Variants in BDP1 observed in about 807,000 individuals in gnomAD.
BDP1 encodes transcription factor TFIIIB component B'' homolog.
In BDP1, 169 loss-of-function variants were observed where a neutral mutation model predicts 266.6. The ratio of observed to expected loss-of-function variants is 0.63; its 90% CI spans 0.56 to 0.72. The LOEUF is 0.72. BDP1 is among the 30% of genes least tolerant of loss of function. BDP1 has a pLI of 0.00. For synonymous variants in BDP1, 1,090 were observed against 1,022.4 expected (o/e 1.07, Z -1.26); for missense variants, 3,015 against 3,053.8 (o/e 0.99, Z 0.30).
At chr5:71,492,114 A>G (rs1392134560) in intron 11 of BDP1, among the ~76,000 whole-genome samples, 1 of 152,192 alleles carries the variant, frequency 6.6e-6, no homozygotes, top group Non-Finnish European at 1.5e-5. Flanking sequence ...TTCCTTTTTT[A>G]TGAGCAAATA....
chr5:71,559,396 A>G (rs543557068), intron 36 of BDP1, among the ~76,000 whole-genome samples: 6 of 152,300 alleles, frequency 3.9e-5, no homozygotes, highest in African/African-American at 1.4e-4. Context: ...TTACTTATCA[A>G]CTTCATTCTC....
At chr5:71,504,183 G>A (rs1764430848) in intron 15 of BDP1, among the ~76,000 whole-genome samples, 1 of 149,918 alleles carries the variant, frequency 6.7e-6, no homozygotes. Context: ...TGAGGCAGGA[G>A]AATGGCATGA....
At chr5:71,516,373 C>A in intron 21 of BDP1, 102 bp downstream of exon 21, 2 of 836,084 alleles carry the variant, frequency 2.4e-6, no homozygotes, top group South Asian at 1.9e-5. Context: ...GACACTTATT[C>A]TACTCAATGA....
chr5:71,510,746 G>C lies in BDP1; in HGVS notation c.3654G>C (p.Lys1218Asn). 1 of 1,614,184 alleles carries C rather than the reference G, an allele frequency of 6.2e-7. No individual in the cohort carries two copies. The highest frequency in any genetic ancestry group is 1.1e-5 in the South Asian group (1 of 91,074). The change falls in exon 17 of 39, where the codon AAG becomes AAC. Residue 1218 changes from lysine (K) to asparagine (N), a missense_variant. Coordinates refer to ENST00000358731, the MANE Select transcript of BDP1 (RefSeq NM_018429.3). ...SPQENGPEEV[K>N]PVGKMETDLK... ...AGGAAAATGGCCCAGAGGAGGTCAA[G>C]CCTGTAGGTAAAATGGAGACAGATT...
intron 13 of BDP1, among the ~76,000 whole-genome samples, chr5:71,499,438 G>A (rs951736282): frequency 1.3e-5 from 2 of 152,130 alleles, no homozygotes; most frequent in African/African-American, 4.8e-5. Flanking sequence ...CCAACATGGC[G>A]AAATCCCATC....
In BDP1 at chr5:71,524,042, A is replaced by AGAAG; in HGVS notation, c.5492_5495dup (p.Ser1832ArgfsTer4). The AGAAG allele has an allele frequency of 1.2e-6, 2 of 1,614,198 alleles. No homozygotes were observed. The highest frequency in any genetic ancestry group is 1.7e-6 in the Non-Finnish European group (2 of 1,180,046). ...GTATGAGAGAAATCGTGGTGAAAGGAGAAGTCATAAAAAGTTCAAACCAAA... is the reference window on the plus strand; with the variant it reads ...GTATGAGAGAAATCGTGGTGAAAGGAGAAGGAAGTCATAAAAAGTTCAAACCAAA... On this transcript the variant is annotated frameshift_variant, in exon 25 of 39. Transcript: ENST00000358731. LOFTEE classifies it high-confidence loss of function.
At chr5:71,519,633 C>T (rs1353766780) in intron 22 of BDP1, among the ~76,000 whole-genome samples, 1 of 152,198 alleles carries the variant, frequency 6.6e-6, no homozygotes, top group African/African-American at 2.4e-5. Context: ...CTGTGAATGA[C>T]AGGATTTCAT....
At chr5:71,484,824 A>G (rs77860382) in intron 8 of BDP1, among the ~76,000 whole-genome samples, 2,236 of 152,202 alleles carry the variant, frequency 0.015, 46 homozygotes, top group African/African-American at 0.051. Flanking sequence ...AAGATTAGCC[A>G]TAGTGCTAAT....
At position 71,545,199 on chromosome 5, in the gene BDP1, C is replaced by T. The variant is rs765431557; in HGVS notation, c.6724C>T (p.Leu2242Phe). The T allele has an allele frequency of 1.2e-6, 2 of 1,613,252 alleles. No homozygotes were observed. The highest frequency in any genetic ancestry group is 2.2e-5 in the South Asian group (2 of 90,964). ...QIKDSKGDSV[L>F]TLPVPEYTPT... Reference sequence around the variant, plus strand: ...AAAGGACTCTAAAGGAGACAGTGTGCTTACACTTCCTGTGCCAGAGGTAAA... The same window carrying T: ...AAAGGACTCTAAAGGAGACAGTGTGTTTACACTTCCTGTGCCAGAGGTAAA... The change falls in exon 32 of 39, where the codon CTT (leucine) becomes TTT (phenylalanine). Residue 2242 changes from leucine to phenylalanine, a missense_variant. Around this residue, in one of 3 missense-constraint regions of BDP1, gnomAD observed 629 missense variants for 632.5 expected, o/e 0.99. Coordinates refer to ENST00000358731, the MANE Select transcript of BDP1 (RefSeq NM_018429.3).
chr5:71,487,280 T>C (rs1161332441), intron 9 of BDP1, among the ~76,000 whole-genome samples: 1 of 152,102 alleles, frequency 6.6e-6, no homozygotes, highest in Non-Finnish European at 1.5e-5. Context: ...TTCGCTCTGT[T>C]GCCCAGGCTG....
intron 8 of BDP1, among the ~76,000 whole-genome samples, chr5:71,485,153 T>G (rs1391112092): frequency 6.6e-6 from 1 of 152,184 alleles, no homozygotes; most frequent in Non-Finnish European, 1.5e-5. Context: ...TTTTAAAATT[T>G]ATTGATCTTA....
chr5:71,552,427 G>A (rs1742886053), intron 34 of BDP1, among the ~76,000 whole-genome samples: 1 of 152,276 alleles, frequency 6.6e-6, no homozygotes, highest in Admixed American at 6.5e-5. Context: ...GGGCGGCCAG[G>A]CAGAGGCTGC....
intron 22 of BDP1, among the ~76,000 whole-genome samples, chr5:71,519,434 C>T (rs1765388423): frequency 6.6e-6 from 1 of 152,150 alleles, no homozygotes; most frequent in South Asian, 2.1e-4. Context: ...TATTTTTATA[C>T]ACACTAACCA....
At chr5:71,575,402 G>A in the BDP1 span, among the ~76,000 whole-genome samples, 1 of 152,198 alleles carries the variant, frequency 6.6e-6, no homozygotes, top group Non-Finnish European at 1.5e-5. Flanking sequence ...CTTGGGAGAA[G>A]CTGACGCAAC....
intron 7 of BDP1, among the ~76,000 whole-genome samples, chr5:71,474,260 A>G (rs1762451347): frequency 6.6e-6 from 1 of 151,354 alleles, no homozygotes; most frequent in African/African-American, 2.4e-5. Context: ...GATTACAGGC[A>G]TGAGCCACCG....
At chr5:71,495,750 T>G (rs1440203367) in intron 12 of BDP1, among the ~76,000 whole-genome samples, 1 of 152,212 alleles carries the variant, frequency 6.6e-6, no homozygotes, top group Non-Finnish European at 1.5e-5. Flanking sequence ...TTTTTATGCC[T>G]GGTGTCAAAA....
In BDP1 at chr5:71,545,157, G is replaced by A; in HGVS notation, c.6682G>A (p.Val2228Ile). ...GGATAGGGGTCTTGGTGAAAATTCTGTTGAAGAGCCCCAGATAAAGGACTC... is the reference window on the plus strand; with the variant it reads ...GGATAGGGGTCTTGGTGAAAATTCTATTGAAGAGCCCCAGATAAAGGACTC... Reference protein sequence around the residue: ...GLDRGLGENSVEEPQIKDSKG... With the variant: ...GLDRGLGENSIEEPQIKDSKG... The change falls in exon 32 of 39, where the codon GTT becomes ATT. Residue 2228 changes from valine to isoleucine, a missense_variant. Val to Ile is a conservative substitution (Grantham distance 29, BLOSUM62 3). Around this residue, in one of 3 missense-constraint regions of BDP1, gnomAD observed 629 missense variants for 632.5 expected, o/e 0.99. Transcript: ENST00000358731. 2 of 1,613,624 alleles carry A rather than the reference G, an allele frequency of 1.2e-6. No homozygotes were observed. Among genetic ancestry groups the A allele is most frequent in the Non-Finnish European group, 8.5e-7 (1 of 1,179,926 alleles).
intron 7 of BDP1, among the ~76,000 whole-genome samples, chr5:71,473,400 G>T (rs954742959): frequency 1.3e-5 from 2 of 148,514 alleles, no homozygotes; most frequent in Non-Finnish European, 3.0e-5. Flanking sequence ...TCAGCCTCCC[G>T]AGTAGCTGGG....
At chr5:71,543,844 A>G (rs1167083794) in intron 30 of BDP1, among the ~76,000 whole-genome samples, 1 of 152,186 alleles carries the variant, frequency 6.6e-6, no homozygotes, top group Non-Finnish European at 1.5e-5. Flanking sequence ...CCATGGGGTT[A>G]TTCACAATAT....
Sources: gnomAD v4.1 joint callset for allele counts (sites outside exome capture counted in the v4.1 genomes callset) on GRCh38, gnomAD v4.1.1 for gene constraint, gnomAD v4.1.1 regional missense constraint, MANE v1.5 for transcripts, NCBI Gene and HGNC (gene_info 2026-07-23, HGNC 2026-07-21) for gene names.